Variants in TMEM132C observed in about 807,000 individuals in gnomAD.
TMEM132C encodes protein phosphatase 1, regulatory subunit 152.
A neutral mutation model predicts 61.4 loss-of-function variants in TMEM132C; 29 were observed. That is an observed-to-expected ratio of 0.47 (90% CI 0.35 to 0.64). The LOEUF (loss-of-function observed/expected upper bound fraction) is 0.64, where lower values mean the gene tolerates loss of function less well. Among genes scored for constraint, TMEM132C ranks in the 30% least tolerant of loss-of-function variants. TMEM132C has a pLI of 0.00. For synonymous variants in TMEM132C, 656 were observed against 633.1 expected, an observed-to-expected ratio of 1.04 and a Z score of -0.54; for missense variants, 1,408 against 1,476.9, an observed-to-expected ratio of 0.95 and a Z score of 0.76.
chr12:128,706,258 T>A lies in TMEM132C; in HGVS notation c.3290T>A (p.Leu1097His), dbSNP rs1392113510. ...GTGGCTGTGGGTGCCCCCAAGGAAC[T>A]TAGAAACTATCTGGAGAAACTCAAA... The part of the protein sequence containing the change: ...QDVAVGAPKE[L>H]RNYLEKLKDK... Residue 1097 changes from leucine (L) to histidine (H), a missense_variant, in exon 9 of 9, where the codon CTT becomes CAT. Transcript: ENST00000435159. 5.8e-6 allele frequency: 9 copies of A among 1,549,438 alleles called. No homozygotes were observed. The East Asian group carries it at 2.2e-4, about 38-fold the overall frequency.
intron 2 of TMEM132C, among the ~76,000 whole-genome samples, chr12:128,434,082 C>T (rs1286316399): frequency 6.6e-6 from 1 of 152,222 alleles, no homozygotes; most frequent in East Asian, 1.9e-4. Context: ...CCACCACTCG[C>T]CTCCAGCCTT....
At chr12:128,403,417 A>C (rs1715543765) in intron 1 of TMEM132C, among the ~76,000 whole-genome samples, 1 of 152,104 alleles carries the variant, frequency 6.6e-6, no homozygotes, top group South Asian at 2.1e-4. Flanking sequence ...AAAAGAGCCC[A>C]CTTCCCTTAA....
intron 1 of TMEM132C, among the ~76,000 whole-genome samples, chr12:128,269,391 T>C (rs77079327): frequency 0.014 from 1,976 of 137,836 alleles, 48 homozygotes; most frequent in African/African-American, 0.048. Flanking sequence ...CAGAGGATTT[T>C]ACTTTTGATT....
intron 3 of TMEM132C, among the ~76,000 whole-genome samples, chr12:128,594,405 T>G (rs1176567858): frequency 3.8e-5 from 5 of 130,974 alleles, no homozygotes; most frequent in Non-Finnish European, 7.9e-5. Flanking sequence ...CCACGGGACA[T>G]GGGGTCTTTG....
chr12:128,616,469 C>T, intron 4 of TMEM132C, 134 bp downstream of exon 4: 1 of 964,384 alleles, frequency 1.0e-6, no homozygotes, highest in Non-Finnish European at 1.5e-6. Context: ...CGTCTTTCCT[C>T]ACCCTGGAAG....
chr12:128,611,844 G>A (rs926435268), intron 3 of TMEM132C, among the ~76,000 whole-genome samples: 4 of 152,218 alleles, frequency 2.6e-5, no homozygotes, highest in African/African-American at 9.7e-5. Context: ...CATCCCATCA[G>A]TCAGCAAGGA....
chr12:128,601,543 G>C (rs1876187759), intron 3 of TMEM132C, among the ~76,000 whole-genome samples: 1 of 152,230 alleles, frequency 6.6e-6, no homozygotes, highest in African/African-American at 2.4e-5. Flanking sequence ...AAGTGGCCAA[G>C]TGAGTCCCGT....
intron 3 of TMEM132C, among the ~76,000 whole-genome samples, chr12:128,581,518 AC>A (rs1418959487): frequency 1.3e-5 from 2 of 152,298 alleles, no homozygotes; most frequent in East Asian, 1.9e-4. Flanking sequence ...GATTCTCATC[AC>A]AGCAGTTACC....
chr12:128,493,026 A>G (rs1042688839), intron 2 of TMEM132C, among the ~76,000 whole-genome samples: 4 of 152,110 alleles, frequency 2.6e-5, no homozygotes, highest in Non-Finnish European at 4.4e-5. Context: ...TAATTTTTGT[A>G]TAAGGTGTAA....
At chr12:128,410,580 A>G (rs777225803) in intron 1 of TMEM132C, among the ~76,000 whole-genome samples, 1 of 151,610 alleles carries the variant, frequency 6.6e-6, no homozygotes. Flanking sequence ...TTTTTTTTGT[A>G]TTTTTAGTAG....
intron 1 of TMEM132C, among the ~76,000 whole-genome samples, chr12:128,276,442 G>A (rs1422617309): frequency 6.6e-6 from 1 of 152,168 alleles, no homozygotes; most frequent in Non-Finnish European, 1.5e-5. Context: ...GAGAGCCAAA[G>A]GTTTATATTC....
intron 2 of TMEM132C, among the ~76,000 whole-genome samples, chr12:128,540,849 G>A (rs78173050): frequency 0.46 from 69,345 of 151,256 alleles, 18,451 homozygotes; most frequent in Non-Finnish European, 0.6. Flanking sequence ...GTCAGGGCCC[G>A]CGGGTCGAGG....
intron 4 of TMEM132C, among the ~76,000 whole-genome samples, chr12:128,632,318 T>C (rs1954070939): frequency 6.6e-6 from 1 of 152,230 alleles, no homozygotes. Flanking sequence ...ACATATTAAA[T>C]ACTATAGAAA....
At chr12:128,590,562 C>T (rs759318704) in intron 3 of TMEM132C, among the ~76,000 whole-genome samples, 1 of 152,158 alleles carries the variant, frequency 6.6e-6, no homozygotes, top group Non-Finnish European at 1.5e-5. Context: ...CACTGCCACC[C>T]GATTCCTCTG....
At position 128,406,178 on chromosome 12, in the gene TMEM132C, C is replaced by T. The variant is rs141678852; in HGVS notation, c.86-8554C>T. On this transcript the variant is annotated intron_variant, in intron 1 of 8. Transcript: ENST00000435159. ...ATTGGCTCCAATTCTTCCTACCACA[C>T]GTGAGAAGTTCTGCCTTCCAGCAAA... Among the ~76,000 whole-genome samples, 647 of 152,312 alleles carry T rather than the reference C, an allele frequency of 4.2e-3. 4 individuals carry two copies. Among genetic ancestry groups the T allele is most frequent in the African/African-American group, 5.4e-3 (224 of 41,578 alleles).
At chr12:128,479,849 G>C (rs530921224) in intron 2 of TMEM132C, among the ~76,000 whole-genome samples, 92 of 152,326 alleles carry the variant, frequency 6.0e-4, no homozygotes, top group Non-Finnish European at 1.1e-3. Flanking sequence ...TCTCATGTGA[G>C]TATTGTGAGA....
At chr12:128,582,943 T>C (rs1234689840) in intron 3 of TMEM132C, among the ~76,000 whole-genome samples, 1 of 152,138 alleles carries the variant, frequency 6.6e-6, no homozygotes, top group Non-Finnish European at 1.5e-5. Context: ...CCCAGCCCTG[T>C]ACAGACACTT....
At position 128,610,087 on chromosome 12, in the gene TMEM132C, A is replaced by G. The variant is rs1334554912; in HGVS notation, c.1122-6065A>G. Among the ~76,000 whole-genome samples, 3 of 152,246 alleles carry G rather than the reference A, an allele frequency of 2.0e-5. No homozygotes were observed. In the South Asian group the frequency reaches 6.2e-4, roughly 31 times the overall value. ...TCCCAGAAAGCCCTCAGATGTGAGT[A>G]TTGACATTAGGGTCAATGAGACTTT... On this transcript the variant is annotated intron_variant, in intron 3 of 8. Transcript: ENST00000435159.
At chr12:128,370,153 C>T (rs979349352) in intron 1 of TMEM132C, among the ~76,000 whole-genome samples, 4 of 152,148 alleles carry the variant, frequency 2.6e-5, no homozygotes, top group African/African-American at 9.7e-5. Flanking sequence ...CTTAGATGGG[C>T]AGATGCCCTG....
Sources: allele counts gnomAD v4.1 joint callset (sites outside exome capture counted in the v4.1 genomes callset), GRCh38; gene constraint gnomAD v4.1.1; transcripts MANE v1.5; gene names NCBI Gene and HGNC (gene_info 2026-07-23, HGNC 2026-07-21).